Variants in PLEKHG1 observed in about 807,000 individuals in gnomAD.
PLEKHG1 encodes pleckstrin homology and RhoGEF domain containing G1, also known as pleckstrin homology domain-containing family G member 1.
PLEKHG1 carries 44 observed loss-of-function variants against 100.8 expected under a neutral mutation model. That is an observed-to-expected ratio of 0.44 (90% confidence interval 0.34 to 0.56). The LOEUF (loss-of-function observed/expected upper bound fraction) is 0.56, where lower values mean the gene tolerates loss of function less well. Among genes scored for constraint, PLEKHG1 ranks in the 20% least tolerant of loss-of-function variants. The probability of loss-of-function intolerance (pLI) is 0.01; values close to 1 mark genes in which losing one functional copy is unlikely to be tolerated. For missense variants in PLEKHG1, 1,545 were observed against 1,720.9 expected, an observed-to-expected ratio of 0.90 and a Z score of 1.81; for synonymous variants, 640 against 662.5, an observed-to-expected ratio of 0.97 and a Z score of 0.52.
chr6:150,805,529 T>C (rs1033265435), intron 7 of PLEKHG1, among the ~76,000 whole-genome samples: 1 of 150,144 alleles, frequency 6.7e-6, no homozygotes, highest in African/African-American at 2.4e-5. Flanking sequence ...CATTTCGGTT[T>C]CCTTTTTTTT....
intron 7 of PLEKHG1, among the ~76,000 whole-genome samples, chr6:150,807,897 AG>A (rs1307401485): frequency 2.0e-5 from 3 of 152,152 alleles, no homozygotes; most frequent in Non-Finnish European, 4.4e-5. Flanking sequence ...TGAACCCAGG[AG>A]GGAGAGGTTG....
At chr6:150,671,201 C>A (rs9480514) in intron 3 of PLEKHG1, among the ~76,000 whole-genome samples, 28,459 of 151,806 alleles carry the variant, frequency 0.19, 2,752 homozygotes, top group South Asian at 0.26. Flanking sequence ...ATAAACATGC[C>A]TGTGTAAGTA....
exon 2 of PLEKHG1, chr6:150,733,920 A>C: frequency 6.2e-7 from 1 of 1,614,202 alleles, no homozygotes; most frequent in African/African-American, 1.3e-5. Flanking sequence ...CAGAACGCGG[A>C]TGAGGGCAGC....
At chr6:150,802,326 C>G (rs1177700712) in intron 6 of PLEKHG1, among the ~76,000 whole-genome samples, 1 of 151,488 alleles carries the variant, frequency 6.6e-6, no homozygotes, top group African/African-American at 2.4e-5. Context: ...CCAAATAACT[C>G]TTAAATAATA....
intron 14 of PLEKHG1, chr6:150,827,883 T>C (rs1373066065): frequency 1.3e-6 from 2 of 1,505,492 alleles, no homozygotes; most frequent in African/African-American, 2.8e-5. Context: ...TATTGAAATG[T>C]ACAGACAGCA....
intron 3 of PLEKHG1, among the ~76,000 whole-genome samples, chr6:150,701,547 T>C (rs1373863983): frequency 3.5e-5 from 5 of 143,754 alleles, no homozygotes; most frequent in African/African-American, 5.0e-5. Context: ...GTTGGTGTGC[T>C]GCACCCATTA....
intron 1 of PLEKHG1, among the ~76,000 whole-genome samples, chr6:150,601,800 A>G (rs1326756710): frequency 6.6e-6 from 1 of 152,172 alleles, no homozygotes; most frequent in East Asian, 1.9e-4. Context: ...CCTGGCAATC[A>G]GATGCCAGAT....
Position 150,639,913 on chromosome 6 carries a change from G to A in PLEKHG1, c.-158+1788G>A, listed in dbSNP as rs1210402655. Among the ~76,000 whole-genome samples the A allele has an allele frequency of 2.6e-5, 4 of 152,310 alleles. No homozygotes were observed. In the East Asian group the frequency reaches 7.7e-4, roughly 29 times the overall value. ...ACTAATTTGCTGGTTATTTTATAAA[G>A]AGTCCTTTTAGGGCTAGAAGGGACC... On this transcript the variant is annotated intron_variant, in intron 2 of 3. Coordinates refer to the PLEKHG1 transcript ENST00000367326.
At chr6:150,811,832 G>C (rs975927829) in intron 10 of PLEKHG1, among the ~76,000 whole-genome samples, 1 of 152,132 alleles carries the variant, frequency 6.6e-6, no homozygotes, top group African/African-American at 2.4e-5. Flanking sequence ...GCAGGCTTTG[G>C]AGGAAGGGGA....
At chr6:150,816,114 G>T (rs1775936999) in intron 10 of PLEKHG1, among the ~76,000 whole-genome samples, 2 of 152,236 alleles carry the variant, frequency 1.3e-5, no homozygotes, top group South Asian at 4.2e-4. Flanking sequence ...AGTCCCATCT[G>T]GGGGTGATGG....
chr6:150,735,575 T>C (rs1458315824), intron 2 of PLEKHG1, among the ~76,000 whole-genome samples: 1 of 152,188 alleles, frequency 6.6e-6, no homozygotes, highest in Non-Finnish European at 1.5e-5. Flanking sequence ...AAAAGTCAAT[T>C]GATGGTCAAC....
At chr6:150,623,930 T>A (rs952687430) in intron 1 of PLEKHG1, among the ~76,000 whole-genome samples, 2 of 152,226 alleles carry the variant, frequency 1.3e-5, no homozygotes, top group Non-Finnish European at 2.9e-5. Flanking sequence ...AAATCTCCAG[T>A]TAAGCTGTGC....
chr6:150,694,491 G>A (rs562488344), intron 3 of PLEKHG1, among the ~76,000 whole-genome samples: 33 of 152,052 alleles, frequency 2.2e-4, no homozygotes, highest in South Asian at 1.9e-3. Context: ...CCTGAGATCC[G>A]GAGTTGGAGA....
At chr6:150,690,070 A>G (rs1780290864) in intron 3 of PLEKHG1, among the ~76,000 whole-genome samples, 1 of 152,176 alleles carries the variant, frequency 6.6e-6, no homozygotes, top group Admixed American at 6.6e-5. Context: ...AGGAAATCTG[A>G]CAATGGCTAG....
At position 150,748,615 on chromosome 6, in the gene PLEKHG1, CTTTT is replaced by C. The variant is rs746682669; in HGVS notation, c.411+14541_411+14544del. 4.4e-4 allele frequency among the ~76,000 whole-genome samples: 52 copies of C among 118,170 alleles called. 1 individual carries two copies. The highest frequency in any genetic ancestry group is 1.7e-3 in the South Asian group (6 of 3,518). 77.5% of individuals were successfully genotyped at this position (118,170 alleles called of 152,430 possible). ...CTGGCTCTCACTTACTACCTTTGAC[CTTTT>C]TTTTTTTTTTTTTTTTTGAGACGGA... On this transcript the variant is annotated intron_variant, in intron 2 of 15. Coordinates refer to ENST00000358517, the Ensembl canonical transcript of PLEKHG1.
chr6:150,655,360 T>A (rs573698197), intron 3 of PLEKHG1, among the ~76,000 whole-genome samples: 16 of 152,162 alleles, frequency 1.1e-4, no homozygotes, highest in Middle Eastern at 3.2e-3. Context: ...CTGCTCACAA[T>A]AGTGAAGACT....
chr6:150,788,323 C>G (rs1474610268), intron 4 of PLEKHG1, among the ~76,000 whole-genome samples: 1 of 152,216 alleles, frequency 6.6e-6, no homozygotes, highest in South Asian at 2.1e-4. Flanking sequence ...TGAAACACAA[C>G]CAGCTGTTCA....
exon 2 of PLEKHG1, chr6:150,733,653 G>A (rs1205637076): frequency 1.2e-6 from 2 of 1,614,006 alleles, no homozygotes; most frequent in East Asian, 4.5e-5. Flanking sequence ...ACGACAGCCA[G>A]GCGTTCCTGC....
chr6:150,737,649 A>G lies in PLEKHG1; in HGVS notation c.411+3557A>G, dbSNP rs569584918. ...CCTTTAAAATCTGTTTCCTTGATCT[A>G]TTTCTAACCTATTTGTATAATGTTG... is the stretch of plus-strand genomic sequence containing the variant. On this transcript the variant is annotated intron_variant, in intron 2 of 15. Transcript: ENST00000358517. Among the ~76,000 whole-genome samples, 50 of 152,168 alleles carry G rather than the reference A, an allele frequency of 3.3e-4. 1 individual carries two copies. Among genetic ancestry groups the G allele is most frequent in the African/African-American group, 1.2e-3 (50 of 41,516 alleles).
Sources: allele counts gnomAD v4.1 joint callset (sites outside exome capture counted in the v4.1 genomes callset), GRCh38; gene constraint gnomAD v4.1.1; transcripts MANE v1.5; gene names NCBI Gene and HGNC (gene_info 2026-07-23, HGNC 2026-07-21).